LEMD3: variants seen among roughly 807,000 people sequenced by gnomAD.
LEMD3 encodes LEM domain containing 3.
In LEMD3, 33 loss-of-function variants were observed where a neutral mutation model predicts 95.2. That is an observed-to-expected ratio of 0.35 (90% CI 0.26 to 0.46). The LOEUF is 0.46. Among genes scored for constraint, LEMD3 ranks in the 20% least tolerant of loss-of-function variants. The probability of loss-of-function intolerance (pLI) is 1.00; values close to 1 mark genes in which losing one functional copy is unlikely to be tolerated. For missense variants in LEMD3, 1,210 were observed against 1,192.8 expected (o/e 1.01, Z -0.21); for synonymous variants, 525 against 474.6 (o/e 1.11, Z -1.38).
chr12:65,212,620 G>A (rs1257738042), intron 2 of LEMD3, among the ~76,000 whole-genome samples: 2 of 151,218 alleles, frequency 1.3e-5, no homozygotes, highest in Admixed American at 1.3e-4. Flanking sequence ...CAATATATGA[G>A]AAAATTGGAT....
At position 65,240,154 on chromosome 12, in the gene LEMD3, A is replaced by G. The variant is rs774986795; in HGVS notation, c.2042A>G (p.Asn681Ser). 1.9e-6 allele frequency: 3 copies of G among 1,613,558 alleles called. No individual in the cohort carries two copies. Among genetic ancestry groups the G allele is most frequent in the South Asian group, 2.2e-5 (2 of 91,056 alleles). The change falls in exon 8 of 13, where the codon AAT (asparagine) becomes AGT (serine). Residue 681 changes from asparagine to serine, a missense_variant. Asn to Ser is a conservative substitution (Grantham distance 46). This residue lies in a region of LEMD3 where 461 missense variants were observed against 569.8 expected (regional missense o/e 0.81). Coordinates refer to ENST00000308330, the MANE Select transcript of LEMD3 (RefSeq NM_014319.5). ...VKIIDVLRSH[N>S]EACQENKDLQ... is the part of the protein sequence containing the mutation. ...TTTTTAGATGTTTTACGAAGTCATA[A>G]TGAAGCCTGCCAGGAAAACAAAGAT... is the stretch of plus-strand genomic sequence containing the variant.
At chr12:65,183,845 T>G (rs953179819) in intron 1 of LEMD3, among the ~76,000 whole-genome samples, 1 of 152,204 alleles carries the variant, frequency 6.6e-6, no homozygotes, top group African/African-American at 2.4e-5. Flanking sequence ...CTTGCTCATA[T>G]TCCTGATTGG....
chr12:65,228,697 C>T (rs996842578), intron 4 of LEMD3, among the ~76,000 whole-genome samples: 1 of 151,914 alleles, frequency 6.6e-6, no homozygotes, highest in Non-Finnish European at 1.5e-5. Context: ...TGCCTGGCCA[C>T]TTTTATTATT....
At chr12:65,180,772 A>C (rs1868876504) in intron 1 of LEMD3, among the ~76,000 whole-genome samples, 1 of 152,210 alleles carries the variant, frequency 6.6e-6, no homozygotes, top group South Asian at 2.1e-4. Context: ...TCAAATGGCA[A>C]GCTAAAGTTT....
intron 10 of LEMD3, 50 bp downstream of exon 10, chr12:65,243,519 C>A: frequency 9.7e-7 from 1 of 1,026,820 alleles, no homozygotes; most frequent in Non-Finnish European, 1.6e-6. Flanking sequence ...GAATATTTGG[C>A]TGGAAAATGC....
At chr12:65,184,991 T>G (rs1869016522) in intron 1 of LEMD3, among the ~76,000 whole-genome samples, 2 of 152,112 alleles carry the variant, frequency 1.3e-5, no homozygotes, top group African/African-American at 2.4e-5. Flanking sequence ...TTTTTTCTTT[T>G]TGAAAGAGAT....
intron 4 of LEMD3, among the ~76,000 whole-genome samples, chr12:65,220,558 T>A (rs965430544): frequency 5.3e-5 from 8 of 152,170 alleles, no homozygotes; most frequent in Non-Finnish European, 8.8e-5. Flanking sequence ...ACTGCACATA[T>A]GCTTTTTAGT....
intron 2 of LEMD3, 50 bp from the exon 3 acceptor site, chr12:65,215,927 G>T (rs1565791620): frequency 4.8e-5 from 33 of 689,272 alleles, no homozygotes; most frequent in Middle Eastern, 2.9e-4. Flanking sequence ...ATTATTTGGT[G>T]TTTTTTTTCT....
In LEMD3 at chr12:65,246,872, A is replaced by T. The variant is rs1871128150; in HGVS notation, c.*547A>T. ...AGTGGTTACAAATATGTGTAAGTGG[A>T]TGTATATGTACTTAAACTGGCTTTG... On this transcript the variant is annotated 3_prime_UTR_variant, in exon 13 of 13. Coordinates refer to ENST00000308330, the MANE Select transcript of LEMD3 (RefSeq NM_014319.5). 6.3e-6 allele frequency: 1 copy of T among 157,704 alleles called. No homozygotes were observed. Among genetic ancestry groups the T allele is most frequent in the African/African-American group, 2.4e-5 (1 of 41,470 alleles). The allele number at this position is 157,704 out of a possible 1,614,324, so 9.8% of individuals were successfully genotyped here.
In LEMD3 at chr12:65,170,987, C is replaced by T. The variant is rs1277596817; in HGVS notation, c.1391C>T (p.Pro464Leu). 6.2e-7 allele frequency: 1 copy of T among 1,614,082 alleles called. No individual in the cohort carries two copies. The highest frequency in any genetic ancestry group is 8.5e-7 in the Non-Finnish European group (1 of 1,180,024). Residue 464 changes from proline (P) to leucine (L), a missense_variant, in exon 1 of 13, where the codon CCA (proline) becomes CTA (leucine). Pro to Leu is a moderately conservative substitution (Grantham distance 98, BLOSUM62 -3). Around this residue, in one of 2 missense-constraint regions of LEMD3, gnomAD observed 461 missense variants for 569.8 expected, o/e 0.81. Transcript: ENST00000308330. ...CAATTTAAACGGGAGGAGGTGTCCC[C>T]AACAGGGAGTTTCAGTGCCCACTAC... The part of the protein sequence containing the change: ...LQQFKREEVS[P>L]TGSFSAHYLS...
chr12:65,238,862 G>A (rs1870851227), intron 6 of LEMD3, 48 bp downstream of exon 6: 1 of 1,596,284 alleles, frequency 6.3e-7, no homozygotes, highest in African/African-American at 1.3e-5. Flanking sequence ...CTGAATTTTT[G>A]TGTGTATTTC....
At chr12:65,235,150 G>T (rs984188601) in intron 4 of LEMD3, among the ~76,000 whole-genome samples, 1 of 152,072 alleles carries the variant, frequency 6.6e-6, no homozygotes, top group Admixed American at 6.6e-5. Context: ...AGAACTAAAT[G>T]AGTACAAAAT....
chr12:65,236,978 C>T (rs1228491537), intron 4 of LEMD3, among the ~76,000 whole-genome samples: 1 of 151,860 alleles, frequency 6.6e-6, no homozygotes, highest in Non-Finnish European at 1.5e-5. Flanking sequence ...CTTTTTGGTT[C>T]CCTATAATTA....
At chr12:65,181,283 G>C (rs1018912608) in intron 1 of LEMD3, among the ~76,000 whole-genome samples, 8 of 152,212 alleles carry the variant, frequency 5.3e-5, no homozygotes, top group Non-Finnish European at 7.4e-5. Context: ...TTCATTTGAA[G>C]AAACATTAAG....
intron 1 of LEMD3, among the ~76,000 whole-genome samples, chr12:65,204,769 A>C (rs989093060): frequency 6.6e-6 from 1 of 152,082 alleles, no homozygotes; most frequent in African/African-American, 2.4e-5. Flanking sequence ...CTTTTTCTCC[A>C]CACCTCGCCA....
chr12:65,205,798 G>A (rs904551924), intron 1 of LEMD3, among the ~76,000 whole-genome samples: 17 of 152,086 alleles, frequency 1.1e-4, no homozygotes, highest in African/African-American at 2.9e-4. Flanking sequence ...AAGGGTGGTG[G>A]TACAAGAGTT....
chr12:65,241,988 A>G (rs1484696149), intron 9 of LEMD3, among the ~76,000 whole-genome samples: 5 of 152,178 alleles, frequency 3.3e-5, no homozygotes, highest in Non-Finnish European at 7.3e-5. Context: ...ACGTTTACCT[A>G]TGTAACAAAT....
In LEMD3 at chr12:65,173,880, A is replaced by G. The variant is rs140767731; in HGVS notation, c.1522+2762A>G. 5.4e-4 allele frequency among the ~76,000 whole-genome samples: 82 copies of G among 152,272 alleles called. No individual in the cohort carries two copies. The East Asian group carries it at 0.01, about 19-fold the overall frequency. ...ACCCTGTGGAAAGAAGTGCCTGCTA[A>G]CTTCAGTTAGTCTGCACACCTAACA... On this transcript the variant is annotated intron_variant, in intron 1 of 12. Transcript: ENST00000308330.
At chr12:65,193,491 A>T (rs1282407577) in intron 1 of LEMD3, among the ~76,000 whole-genome samples, 4 of 151,920 alleles carry the variant, frequency 2.6e-5, no homozygotes, top group Non-Finnish European at 5.9e-5. Context: ...TTTTTCCCTT[A>T]CCACTCACAT....
Sources: allele counts gnomAD v4.1 joint callset (sites outside exome capture counted in the v4.1 genomes callset), GRCh38; gene constraint gnomAD v4.1.1; regional missense constraint gnomAD v4.1.1; transcripts MANE v1.5; gene names NCBI Gene and HGNC (gene_info 2026-07-23, HGNC 2026-07-21).